The following ACVR2B variants were observed in gnomAD, a reference collection of about 807,000 sequenced individuals.
ACVR2B encodes activin A receptor type 2B, also known as activin receptor type-2B.
ACVR2B carries 18 observed loss-of-function variants against 65.1 expected under a neutral mutation model. The observed-to-expected ratio is 0.28, with a 90% confidence interval of 0.19 to 0.41. The LOEUF is 0.41. ACVR2B is among the 10% of genes least tolerant of loss of function. ACVR2B has a pLI of 1.00. For missense variants in ACVR2B, 482 were observed against 682.7 expected, an observed-to-expected ratio of 0.71 and a Z score of 3.28; for synonymous variants, 298 against 277.7, an observed-to-expected ratio of 1.07 and a Z score of -0.73.
intron 1 of ACVR2B, among the ~76,000 whole-genome samples, chr3:38,457,282 G>A (rs1041966664): frequency 1.3e-5 from 2 of 152,192 alleles, no homozygotes; most frequent in African/African-American, 2.4e-5. Context: ...GAGACATTTT[G>A]CATTCCATTT....
chr3:38,488,754 G>C lies in ACVR2B; in HGVS notation c.*5422G>C, dbSNP rs919330301. 3 of 152,120 alleles carry C rather than the reference G, an allele frequency of 2.0e-5. No homozygotes were observed. The highest frequency in any genetic ancestry group is 4.8e-5 in the African/African-American group (2 of 41,428). The allele number at this position is 152,120 out of a possible 1,614,324, so 9.4% of individuals were successfully genotyped here. ...CCTATGGCAGCTCATAGAGGTAACC[G>C]AAGTGATTTTTCCTCAGTAATTGAA... On this transcript the variant is annotated 3_prime_UTR_variant, in exon 11 of 11. Transcript: ENST00000352511.
chr3:38,454,416 G>A, intron 1 of ACVR2B, 42 bp downstream of exon 1: 2 of 1,237,492 alleles, frequency 1.6e-6, no homozygotes, highest in Non-Finnish European at 2.0e-6. Flanking sequence ...GAGGGCGCGC[G>A]GGGCTGGCCT....
At chr3:38,476,326 G>T (rs1192098999) in intron 1 of ACVR2B, 1 of 152,224 alleles carries the variant, frequency 6.6e-6, no homozygotes, top group Non-Finnish European at 1.5e-5. Flanking sequence ...CCTGCAGCAG[G>T]TGGAAGGGGG....
In ACVR2B at chr3:38,484,259, T is replaced by A. The variant is rs1475067000; in HGVS notation, c.*927T>A. ...ATTTTAAAACTAGGTGAGGGTAGAA[T>A]CATCACAGGTTAGGAATACATTCTT... On this transcript the variant is annotated 3_prime_UTR_variant, in exon 11 of 11. Transcript: ENST00000352511. The A allele has an allele frequency of 6.6e-6, 1 of 152,282 alleles. No individual in the cohort carries two copies. The highest frequency in any genetic ancestry group is 1.5e-5 in the Non-Finnish European group (1 of 68,044). The allele number at this position is 152,282 out of a possible 1,614,324, so 9.4% of individuals were successfully genotyped here. A position where few individuals can be genotyped will look rare whatever the true frequency, so the allele number is the denominator to read the frequency against.
intron 6 of ACVR2B, 81 bp from the exon 7 acceptor site, chr3:38,479,597 T>G: frequency 9.1e-6 from 14 of 1,539,250 alleles, no homozygotes; most frequent in Non-Finnish European, 1.2e-5. Flanking sequence ...ATTGGCCCAC[T>G]GAGACTTCTC....
In ACVR2B at chr3:38,465,195, A is replaced by G. The variant is rs1478869350; in HGVS notation, c.52+10821A>G. 1.1e-4 allele frequency among the ~76,000 whole-genome samples: 16 copies of G among 152,054 alleles called. No individual in the cohort carries two copies. The East Asian group carries it at 2.5e-3, about 24-fold the overall frequency. ...GGGTGGATCACGAGGACAGGAGTTC[A>G]AGACCAACCTGGCCAACATGGTGAA... is the stretch of plus-strand genomic sequence containing the variant. On this transcript the variant is annotated intron_variant, in intron 1 of 10. Coordinates refer to ENST00000352511, the MANE Select transcript of ACVR2B (RefSeq NM_001106.4).
rs1709957985 is a variant in ACVR2B at position 38,478,619 on chromosome 3, G to A, written c.666+101G>A. The A allele has an allele frequency of 3.2e-6, 5 of 1,539,308 alleles. No homozygotes were observed. In the Admixed American group the frequency reaches 8.9e-5, roughly 27 times the overall value. ...CAATCCAAACCCCAAATAATATTGT[G>A]GTATGAGAGAAAAGTGAGCCTTACT... On this transcript the variant is annotated intron_variant, in intron 5 of 10. Transcript: ENST00000352511.
chr3:38,467,841 T>G (rs1284517862), intron 1 of ACVR2B, among the ~76,000 whole-genome samples: 2 of 152,228 alleles, frequency 1.3e-5, no homozygotes, highest in Non-Finnish European at 1.5e-5. Context: ...CCAAATGAGA[T>G]AAATATAGCT....
At chr3:38,470,955 C>A (rs1228759510) in intron 1 of ACVR2B, among the ~76,000 whole-genome samples, 10 of 151,898 alleles carry the variant, frequency 6.6e-5, no homozygotes, top group African/African-American at 2.2e-4. Context: ...TATAAACATA[C>A]CCAGAAATCA....
chr3:38,483,199 T>C lies in ACVR2B; in HGVS notation c.1406T>C (p.Leu469Ser). The change falls in exon 11 of 11, where the codon TTG becomes TCG. Residue 469 changes from leucine (L) to serine (S), a missense_variant. Physicochemically the swap from Leu to Ser is moderately radical, Grantham distance 145 (BLOSUM62 -2). Coordinates refer to ENST00000352511, the MANE Select transcript of ACVR2B (RefSeq NM_001106.4). The surrounding 1 kb of genome is among the most constrained non-coding windows in gnomAD (Gnocchi z 4.8). ...TGGGACCATGATGCAGAGGCTCGCT[T>C]GTCCGCGGGCTGTGTGGAGGAGCGG... ...ECWDHDAEAR[L>S]SAGCVEERVS... 3.1e-6 allele frequency: 5 copies of C among 1,614,188 alleles called. No individual in the cohort carries two copies. The highest frequency in any genetic ancestry group is 4.2e-6 in the Non-Finnish European group (5 of 1,180,028).
At chr3:38,476,874 T>A (rs1709918963) in intron 1 of ACVR2B, 2 of 300,504 alleles carry the variant, frequency 6.7e-6, no homozygotes, top group African/African-American at 4.3e-5. Flanking sequence ...TGCACTGGGG[T>A]TTTAAGGGGG....
intron 1 of ACVR2B, among the ~76,000 whole-genome samples, chr3:38,461,568 C>G (rs1237488733): frequency 6.6e-6 from 1 of 152,036 alleles, no homozygotes; most frequent in Non-Finnish European, 1.5e-5. Context: ...GAAGGAGGGC[C>G]AGGGCAATGT....
intron 1 of ACVR2B, chr3:38,474,265 G>A (rs923816726): frequency 1.3e-5 from 2 of 152,378 alleles, no homozygotes; most frequent in Non-Finnish European, 2.9e-5. Flanking sequence ...GTAGTGGCAA[G>A]TGGGTGGTCC....
intron 1 of ACVR2B, among the ~76,000 whole-genome samples, chr3:38,456,493 A>G (rs577497435): frequency 6.6e-6 from 1 of 152,374 alleles, no homozygotes; most frequent in South Asian, 2.1e-4. Flanking sequence ...TGTTAATAAA[A>G]GGAAGAAGAA....
chr3:38,481,353 A>T lies in ACVR2B; in HGVS notation c.962A>T (p.Asp321Val). Residue 321 changes from aspartate (D) to valine (V), a missense_variant and splice_region_variant, in exon 8 of 11, where the codon GAC (aspartate) becomes GTC (valine). Asp to Val is a radical substitution (Grantham distance 152, BLOSUM62 -3). Around this residue, in one of 5 missense-constraint regions of ACVR2B, gnomAD observed 223 missense variants for 386.3 expected, o/e 0.58. Transcript: ENST00000352511. This position sits in a 1 kb window ranked among gnomAD's most constrained non-coding sequence, Gnocchi z 4.7. The stretch of plus-strand genomic sequence containing the variant: ...TCTCTGCCCACTTGTTTCCACAGGG[A>T]CTTTAAAAGTAAGAATGTATTGCTG... Reference protein sequence around the residue: ...EGHKPSIAHRDFKSKNVLLKS... With the variant: ...EGHKPSIAHRVFKSKNVLLKS... 6.2e-7 allele frequency: 1 copy of T among 1,612,896 alleles called. No individual in the cohort carries two copies. The highest frequency in any genetic ancestry group is 8.5e-7 in the Non-Finnish European group (1 of 1,178,876).
At chr3:38,475,767 C>T (rs1278341448) in intron 1 of ACVR2B, 1 of 152,596 alleles carries the variant, frequency 6.6e-6, no homozygotes, top group Non-Finnish European at 1.5e-5. Context: ...CCCCCAGGGT[C>T]AGGGCAGGGT....
Position 38,483,036 on chromosome 3 carries a change from C to T in ACVR2B, c.1345-102C>T. On this transcript the variant is annotated intron_variant, in intron 10 of 10. Transcript: ENST00000352511. The surrounding 1 kb of genome is among the most constrained non-coding windows in gnomAD (Gnocchi z 4.8). ...CTGCTGTGGTTGGGGCTGGTGGGCT[C>T]TGCCTGATCCTTGGGAATATCAAGT... 7.1e-7 allele frequency: 1 copy of T among 1,401,330 alleles called. No individual in the cohort carries two copies. Among genetic ancestry groups the T allele is most frequent in the South Asian group, 1.2e-5 (1 of 86,324 alleles). 86.8% of individuals were successfully genotyped at this position (1,401,330 alleles called of 1,614,324 possible).
intron 1 of ACVR2B, chr3:38,459,472 C>G (rs1010697544): frequency 1.1e-5 from 5 of 448,156 alleles, no homozygotes; most frequent in Admixed American, 6.4e-5. Context: ...GCTGGGGACT[C>G]TCTGCCTGCC....
intron 1 of ACVR2B, among the ~76,000 whole-genome samples, chr3:38,467,624 A>G (rs946431017): frequency 6.6e-6 from 1 of 151,624 alleles, no homozygotes; most frequent in African/African-American, 2.4e-5. Context: ...GTGGCATTGC[A>G]CCTGTAAGTC....
Sources: gnomAD v4.1 joint callset for allele counts (sites outside exome capture counted in the v4.1 genomes callset) on GRCh38, gnomAD v4.1.1 for gene constraint, gnomAD v4.1.1 regional missense constraint, Gnocchi (gnomAD v3.1) non-coding constraint, MANE v1.5 for transcripts, NCBI Gene and HGNC (gene_info 2026-07-23, HGNC 2026-07-21) for gene names.